The following ADAMTS3 variants were observed in gnomAD, a reference collection of about 807,000 sequenced individuals.
The protein encoded by ADAMTS3 is ADAM metallopeptidase with thrombospondin type 1 motif 3.
ADAMTS3 carries 73 observed loss-of-function variants against 129.0 expected under a neutral mutation model. That is an observed-to-expected ratio of 0.57 (90% CI 0.47 to 0.69). The LOEUF (loss-of-function observed/expected upper bound fraction) is 0.69. Ranked by LOEUF, ADAMTS3 falls within the 30% of genes least tolerant of loss-of-function variation. The probability of loss-of-function intolerance (pLI) is 0.00; values close to 1 mark genes in which losing one functional copy is unlikely to be tolerated. For missense variants in ADAMTS3, 1,457 were observed against 1,514.5 expected (o/e 0.96, Z 0.63); for synonymous variants, 477 against 510.8 (o/e 0.93, Z 0.89).
chr4:72,320,524 AT>A (rs1391102686), intron 7 of ADAMTS3, among the ~76,000 whole-genome samples, 189 bp downstream of exon 7: 5 of 152,194 alleles, frequency 3.3e-5, no homozygotes, highest in Non-Finnish European at 7.3e-5. Flanking sequence ...TTACGATGGT[AT>A]TTAAGTGGCA....
At position 72,552,397 on chromosome 4, in the gene ADAMTS3, ATGT is replaced by A. The variant is rs1721666626; in HGVS notation, c.98-3516_98-3514del. On this transcript the variant is annotated intron_variant, in intron 2 of 21. Coordinates refer to ENST00000286657, the MANE Select transcript of ADAMTS3 (RefSeq NM_014243.3). ...TGTAAGTTAGCCACTCATTAAAATA[ATGT>A]TGTGGTTCAACTTTAAAGTTAGAAA... 2.0e-5 allele frequency among the ~76,000 whole-genome samples: 3 copies of A among 152,310 alleles called. No homozygotes were observed. The South Asian group carries it at 6.2e-4, about 32-fold the overall frequency.
intron 3 of ADAMTS3, among the ~76,000 whole-genome samples, chr4:72,484,138 T>A (rs1719516264): frequency 6.6e-6 from 1 of 152,182 alleles, no homozygotes; most frequent in Non-Finnish European, 1.5e-5. Context: ...AATCTTACTG[T>A]CCTTCCTTAA....
At chr4:72,540,951 CCA>C (rs1721306692) in intron 3 of ADAMTS3, among the ~76,000 whole-genome samples, 1 of 152,192 alleles carries the variant, frequency 6.6e-6, no homozygotes, top group Non-Finnish European at 1.5e-5. Context: ...GTGGGAGCCC[CCA>C]CACAGAGTCC....
At chr4:72,417,251 G>A (rs1332690264) in intron 3 of ADAMTS3, among the ~76,000 whole-genome samples, 1 of 152,198 alleles carries the variant, frequency 6.6e-6, no homozygotes, top group East Asian at 1.9e-4. Flanking sequence ...TCCCAGATGA[G>A]TGCCTGACTC....
chr4:72,395,331 CA>C (rs1170022078), intron 4 of ADAMTS3, among the ~76,000 whole-genome samples: 28 of 152,136 alleles, frequency 1.8e-4, no homozygotes, highest in African/African-American at 6.7e-4. Flanking sequence ...CAAATATGGA[CA>C]TATTCAACTC....
At chr4:72,407,630 T>C (rs139608649) in intron 4 of ADAMTS3, among the ~76,000 whole-genome samples, 1 of 152,206 alleles carries the variant, frequency 6.6e-6, no homozygotes, top group Non-Finnish European at 1.5e-5. Flanking sequence ...GGGTGATAAA[T>C]GCTTAGAACT....
At chr4:72,381,749 A>T (rs984432796) in intron 4 of ADAMTS3, among the ~76,000 whole-genome samples, 1 of 152,066 alleles carries the variant, frequency 6.6e-6, no homozygotes, top group Non-Finnish European at 1.5e-5. Flanking sequence ...GGCTGCATTT[A>T]AGCACTATAT....
chr4:72,452,303 CAT>C (rs1266132122), intron 3 of ADAMTS3, among the ~76,000 whole-genome samples: 1 of 150,662 alleles, frequency 6.6e-6, no homozygotes, highest in Admixed American at 6.6e-5. Context: ...TTATTATTAA[CAT>C]AATATAATAT....
intron 2 of ADAMTS3, among the ~76,000 whole-genome samples, chr4:72,563,772 G>C (rs1469870731): frequency 6.6e-6 from 1 of 152,088 alleles, no homozygotes; most frequent in Non-Finnish European, 1.5e-5. Context: ...TCAGAACATA[G>C]ATAAACCTTA....
chr4:72,466,592 A>G (rs1718927077), intron 3 of ADAMTS3, among the ~76,000 whole-genome samples: 1 of 151,940 alleles, frequency 6.6e-6, no homozygotes, highest in Non-Finnish European at 1.5e-5. Context: ...TTCAAGCTTG[A>G]TTCTAATGGT....
Position 72,319,442 on chromosome 4 carries a change from C to T in ADAMTS3, c.1242G>A (p.Arg414=), listed in dbSNP as rs201105948. ...LGMEHDGQGN[R]CGDETAMGSV... is the part of the protein sequence containing the mutation. Reference sequence around the variant, plus strand: ...TTCCCATAGCAGTCTCATCACCACACCTGTTGCCTTGTCCATCATGCTCCA... The same window carrying T: ...TTCCCATAGCAGTCTCATCACCACATCTGTTGCCTTGTCCATCATGCTCCA... The change falls in exon 9 of 22, where the codon AGG becomes AGA. Residue 414 remains arginine (R), a synonymous_variant. Transcript: ENST00000286657. 7.7e-5 allele frequency: 125 copies of T among 1,613,878 alleles called. No homozygotes were observed. In the East Asian group the frequency reaches 1.5e-3, roughly 20 times the overall value.
At chr4:72,367,352 G>GC (rs1265425885) in intron 4 of ADAMTS3, among the ~76,000 whole-genome samples, 3 of 151,994 alleles carry the variant, frequency 2.0e-5, no homozygotes, top group Non-Finnish European at 4.4e-5. Context: ...TTTTTAGAGA[G>GC]CTTCATTTCA....
At chr4:72,450,149 T>C (rs1718356968) in intron 3 of ADAMTS3, among the ~76,000 whole-genome samples, 1 of 151,656 alleles carries the variant, frequency 6.6e-6, no homozygotes, top group Admixed American at 6.6e-5. Context: ...TTGGTGCCCA[T>C]AATTCCCTCC....
intron 11 of ADAMTS3, among the ~76,000 whole-genome samples, chr4:72,314,090 C>CATTT (rs1719321197): frequency 6.6e-6 from 1 of 152,074 alleles, no homozygotes; most frequent in Non-Finnish European, 1.5e-5. Flanking sequence ...CAGTAAGCAT[C>CATTT]AAACACTATA....
intron 3 of ADAMTS3, among the ~76,000 whole-genome samples, chr4:72,505,061 T>C (rs1413131204): frequency 3.3e-5 from 5 of 152,364 alleles, no homozygotes; most frequent in Non-Finnish European, 7.3e-5. Context: ...CTGTCATTTG[T>C]GAGTTTCCAT....
intron 4 of ADAMTS3, among the ~76,000 whole-genome samples, chr4:72,412,910 A>T (rs1722216634): frequency 1.3e-5 from 2 of 152,030 alleles, no homozygotes; most frequent in African/African-American, 4.8e-5. Context: ...TAAACTGAGT[A>T]TGTTGATGCT....
At chr4:72,300,929 C>T (rs1231268094) in intron 17 of ADAMTS3, among the ~76,000 whole-genome samples, 2 of 152,176 alleles carry the variant, frequency 1.3e-5, no homozygotes, top group African/African-American at 4.8e-5. Flanking sequence ...TGAGATGACT[C>T]TAGCCACAGT....
intron 3 of ADAMTS3, among the ~76,000 whole-genome samples, chr4:72,451,815 G>A (rs550668390): frequency 5.9e-5 from 9 of 151,694 alleles, no homozygotes; most frequent in Non-Finnish European, 1.2e-4. Context: ...AAAGTTTGGA[G>A]GCCAGGCACA....
At chr4:72,350,764 C>T (rs563134309) in intron 4 of ADAMTS3, among the ~76,000 whole-genome samples, 1 of 152,066 alleles carries the variant, frequency 6.6e-6, no homozygotes, top group East Asian at 1.9e-4. Context: ...GCACTATTCC[C>T]AGCCCCATAT....
Sources: allele counts gnomAD v4.1 joint callset (sites outside exome capture counted in the v4.1 genomes callset), GRCh38; gene constraint gnomAD v4.1.1; transcripts MANE v1.5; gene names NCBI Gene and HGNC (gene_info 2026-07-23, HGNC 2026-07-21).